MFSD6L: variants seen among roughly 807,000 people sequenced by gnomAD.
MFSD6L encodes major facilitator superfamily domain-containing protein 6-like.
MFSD6L carries 9 observed loss-of-function variants against 6.4 expected under a neutral mutation model. That is an observed-to-expected ratio of 1.42 (90% CI 0.85 to 2.47). The LOEUF (loss-of-function observed/expected upper bound fraction) is 2.47. Ranked by LOEUF, MFSD6L falls within the 30% of genes most tolerant of loss-of-function variation. The pLI, the probability that MFSD6L is intolerant of heterozygous loss-of-function variation, is 0.00. For synonymous variants in MFSD6L, 336 were observed against 322.4 expected (o/e 1.04, Z -0.45); for missense variants, 747 against 730.6 (o/e 1.02, Z -0.26).
At position 8,798,165 on chromosome 17, in the gene MFSD6L, C is replaced by T. The variant is rs137880094; in HGVS notation, c.956G>A (p.Arg319Gln). The stretch of plus-strand genomic sequence containing the variant: ...GTACCCATAGAAGTGGACCACACCT[C>T]GGGGGCCACTGGTCATCAGGAAGCA... Reference protein sequence around the residue: ...LDCFLMTSGPRGVVHFYGYSV... With the variant: ...LDCFLMTSGPQGVVHFYGYSV... Residue 319 changes from arginine to glutamine, a missense_variant, in exon 1 of 1, where the codon CGA becomes CAA. Transcript: ENST00000329805. 1,548 of 1,613,400 alleles carry T rather than the reference C, an allele frequency of 9.6e-4. 20 individuals are homozygous for T. The African/African-American group carries it at 0.017, about 18-fold the overall frequency.
In MFSD6L at chr17:8,797,386, C is replaced by A. The variant is rs2087007104; in HGVS notation, c.1735G>T (p.Ala579Ser). 2 of 1,577,250 alleles carry A rather than the reference C, an allele frequency of 1.3e-6. No homozygotes were observed. Among genetic ancestry groups the A allele is most frequent in the Non-Finnish European group, 1.7e-6 (2 of 1,162,502 alleles). The change falls in exon 1 of 1, where the codon GCC (alanine) becomes TCC (serine). Residue 579 changes from alanine (A) to serine (S), a missense_variant. Physicochemically the swap from Ala to Ser is moderately conservative, Grantham distance 99. Coordinates refer to ENST00000329805, the MANE Select transcript of MFSD6L (RefSeq NM_152599.4). ...CAGTCTGAGTGTTCCTCCCTCATGG[C>A]CTTCACAAGCCAGTCCTGTTCTGTC... ...QGTEQDWLVKAMREEHSD is the reference protein window; with the variant it reads ...QGTEQDWLVKSMREEHSD
In MFSD6L at chr17:8,799,337, G is replaced by A. The variant is rs2087026684; in HGVS notation, c.-217C>T. 4 of 392,318 alleles carry A rather than the reference G, an allele frequency of 1.0e-5. No homozygotes were observed. The highest frequency in any genetic ancestry group is 1.8e-5 in the Non-Finnish European group (4 of 224,992). The allele number at this position is 392,318 out of a possible 1,614,324, so 24.3% of individuals were successfully genotyped here. A position where few individuals can be genotyped will look rare whatever the true frequency, so the allele number is the denominator to read the frequency against. On this transcript the variant is annotated 5_prime_UTR_variant, in exon 1 of 1. Coordinates refer to ENST00000329805, the MANE Select transcript of MFSD6L (RefSeq NM_152599.4). This position sits in a 1 kb window ranked among gnomAD's most constrained non-coding sequence, Gnocchi z 5.3. Reference sequence around the variant, plus strand: ...CGTTGGACCGAAAGGGGCCCCGCCCGGAGGGAGAGGCGGGGCGGGGGCGAA... The same window carrying A: ...CGTTGGACCGAAAGGGGCCCCGCCCAGAGGGAGAGGCGGGGCGGGGGCGAA...
At position 8,798,878 on chromosome 17, in the gene MFSD6L, G is replaced by T. The variant is rs1370639714; in HGVS notation, c.243C>A (p.Ile81=). The change falls in exon 1 of 1, where the codon ATC becomes ATA. Residue 81 remains isoleucine (I), a synonymous_variant. Transcript: ENST00000329805. ...KSYRKRRALL[I]GSLLGSVGAS... ...CCCCCACCGAGCCGAGCAGGGAGCC[G>T]ATCAGAAGCGCTCTCCTTTTCCGGT... 2 of 1,614,024 alleles carry T rather than the reference G, an allele frequency of 1.2e-6. No homozygotes were observed. Among genetic ancestry groups the T allele is most frequent in the South Asian group, 1.1e-5 (1 of 91,062 alleles).
In MFSD6L at chr17:8,798,977, C is replaced by T. The variant is rs1183960853; in HGVS notation, c.144G>A (p.Val48=). The change falls in exon 1 of 1, where the codon GTG becomes GTA. Residue 48 remains valine (V), a synonymous_variant. Coordinates refer to ENST00000329805, the MANE Select transcript of MFSD6L (RefSeq NM_152599.4). ...GGTGCTTGGTTCCCATTAGGGTGCC[C>T]ACCCAGGGCGCGGCCAAGCCCAGCT... ...LRQLGLAAPW[V]GTLMGTKHLI... 1.2e-6 allele frequency: 2 copies of T among 1,613,890 alleles called. No homozygotes were observed. Among genetic ancestry groups the T allele is most frequent in the Non-Finnish European group, 1.7e-6 (2 of 1,179,962 alleles).
At position 8,798,814 on chromosome 17, in the gene MFSD6L, T is replaced by G. The variant is rs766859246; in HGVS notation, c.307A>C (p.Asn103His). Residue 103 changes from asparagine to histidine, a missense_variant, in exon 1 of 1, where the codon AAT becomes CAT. Asn to His is a moderately conservative substitution (Grantham distance 68). Coordinates refer to ENST00000329805, the MANE Select transcript of MFSD6L (RefSeq NM_152599.4). ...LMVLVPPVDK[N>H]RVHFPCNGSS... ...CCATTACAAGGGAAGTGCACCCGATTTTTGTCTACCGGTGGGACCAGGACC... is the reference window on the plus strand; with the variant it reads ...CCATTACAAGGGAAGTGCACCCGATGTTTGTCTACCGGTGGGACCAGGACC... The G allele has an allele frequency of 6.2e-7, 1 of 1,613,996 alleles. No homozygotes were observed. Among genetic ancestry groups the G allele is most frequent in the East Asian group, 2.2e-5 (1 of 44,876 alleles).
At position 8,798,437 on chromosome 17, in the gene MFSD6L, G is replaced by A. The variant is rs1304100175; in HGVS notation, c.684C>T (p.Thr228=). Residue 228 remains threonine, a synonymous_variant, in exon 1 of 1, where the codon ACC becomes ACT. Transcript: ENST00000329805. The part of the protein sequence containing the change: ...GPGNPANLSG[T]KGKAWAFDLS... ...GGTCAAAAGCCCAGGCTTTCCCCTT[G>A]GTCCCTGACAAATTGGCTGGATTCC... The A allele has an allele frequency of 1.2e-6, 2 of 1,607,572 alleles. No homozygotes were observed. Among genetic ancestry groups the A allele is most frequent in the Non-Finnish European group, 1.7e-6 (2 of 1,176,420 alleles).
At position 8,798,061 on chromosome 17, in the gene MFSD6L, T is replaced by G. The variant is rs756846372; in HGVS notation, c.1060A>C (p.Lys354Gln). The G allele has an allele frequency of 1.9e-6, 3 of 1,613,882 alleles. No homozygotes were observed. The Admixed American group carries it at 5.0e-5, about 27-fold the overall frequency. The change falls in exon 1 of 1, where the codon AAA becomes CAA. Residue 354 changes from lysine (K) to glutamine (Q), a missense_variant. Transcript: ENST00000329805. ...ACAATGGACAGTGCTTTGACCCTTTTGTAGCTGGGCTCCCACTGCTGACAG... is the reference window on the plus strand; with the variant it reads ...ACAATGGACAGTGCTTTGACCCTTTGGTAGCTGGGCTCCCACTGCTGACAG... ...PICQQWEPSY[K>Q]RVKALSIVGG...
Position 8,798,166 on chromosome 17 carries a change from G to A in MFSD6L, c.955C>T (p.Arg319Ter), listed in dbSNP as rs1453734798. 8 of 1,613,006 alleles carry A rather than the reference G, an allele frequency of 5.0e-6. No homozygotes were observed. Among genetic ancestry groups the A allele is most frequent in the Admixed American group, 3.3e-5 (2 of 59,968 alleles). ...LDCFLMTSGP[R>*]GVVHFYGYSV... is the part of the protein sequence containing the mutation. The stretch of plus-strand genomic sequence containing the variant: ...TACCCATAGAAGTGGACCACACCTC[G>A]GGGGCCACTGGTCATCAGGAAGCAG... Residue 319 changes from arginine to a stop codon, truncating the protein, a stop_gained, in exon 1 of 1, where the codon CGA (arginine) becomes TGA (stop). Transcript: ENST00000329805. LOFTEE classifies it low-confidence loss of function (END_TRUNC).
rs765903949 is a variant in MFSD6L, at chr17:8,798,160, C to T, written c.961G>A (p.Val321Met). The change falls in exon 1 of 1, where the codon GTG becomes ATG. Residue 321 changes from valine (V) to methionine (M), a missense_variant. By Grantham distance (21) the Val-to-Met change is conservative (BLOSUM62 1). Transcript: ENST00000329805. ...ACCGAGTACCCATAGAAGTGGACCA[C>T]ACCTCGGGGGCCACTGGTCATCAGG... is the stretch of plus-strand genomic sequence containing the variant. ...CFLMTSGPRG[V>M]VHFYGYSVVS... 1 of 1,613,596 alleles carries T rather than the reference C, an allele frequency of 6.2e-7. No homozygotes were observed. Among genetic ancestry groups the T allele is most frequent in the Non-Finnish European group, 8.5e-7 (1 of 1,179,996 alleles).
At position 8,798,465 on chromosome 17, in the gene MFSD6L, G is replaced by T; in HGVS notation, c.656C>A (p.Pro219His). ...CCCTGACAAATTGGCTGGATTCCCG[G>T]GCCCTTTCCCCCCAGGAAGCAAGGG... ...ALPLLPGGKG[P>H]GNPANLSGTK... The change falls in exon 1 of 1, where the codon CCC becomes CAC. Residue 219 changes from proline to histidine, a missense_variant. Coordinates refer to ENST00000329805, the MANE Select transcript of MFSD6L (RefSeq NM_152599.4). 6.2e-7 allele frequency: 1 copy of T among 1,607,106 alleles called. No individual in the cohort carries two copies. Among genetic ancestry groups the T allele is most frequent in the Non-Finnish European group, 8.5e-7 (1 of 1,175,904 alleles).
rs771825207 is a variant in MFSD6L at position 8,797,856 on chromosome 17, G to C, written c.1265C>G (p.Ala422Gly). 3.4e-3 allele frequency: 5,502 copies of C among 1,614,054 alleles called. 30 individuals are homozygous for C. The highest frequency in any genetic ancestry group is 0.015 in the Middle Eastern group (88 of 6,062). ...LGEILLHPFK[A>G]TLLRKLSRTG... ...CCTGGACAGTTTCCTAAGCAATGTA[G>C]CTTTGAACGGATGAAGCAGAATTTC... is the stretch of plus-strand genomic sequence containing the variant. Residue 422 changes from alanine (A) to glycine (G), a missense_variant, in exon 1 of 1, where the codon GCT (alanine) becomes GGT (glycine). By Grantham distance (60) the Ala-to-Gly change is moderately conservative. Transcript: ENST00000329805.
In MFSD6L at chr17:8,798,393, C is replaced by G. The variant is rs150871469; in HGVS notation, c.728G>C (p.Arg243Pro). Reference sequence around the variant, plus strand: ...CCCCAAGGAGAGGATAAAAGTCCGCCGCAACGCCTCCAAGGACAGGTCAAA... The same window carrying G: ...CCCCAAGGAGAGGATAAAAGTCCGCGGCAACGCCTCCAAGGACAGGTCAAA... ...WAFDLSLEAL[R>P]RTFILSLGSV... Residue 243 changes from arginine to proline, a missense_variant, in exon 1 of 1, where the codon CGG becomes CCG. Arg to Pro is a moderately radical substitution (Grantham distance 103). Transcript: ENST00000329805. 2 of 1,611,860 alleles carry G rather than the reference C, an allele frequency of 1.2e-6. No individual in the cohort carries two copies. The highest frequency in any genetic ancestry group is 1.7e-6 in the Non-Finnish European group (2 of 1,179,178).
Position 8,797,829 on chromosome 17 carries a change from G to C in MFSD6L, c.1292C>G (p.Thr431Arg). ...GCTCAGCCCCAGCCCCACCAGGCCCGTCCTGGACAGTTTCCTAAGCAATGT... is the reference window on the plus strand; with the variant it reads ...GCTCAGCCCCAGCCCCACCAGGCCCCTCCTGGACAGTTTCCTAAGCAATGT... ...KATLLRKLSR[T>R]GLVGLGLSCL... The change falls in exon 1 of 1, where the codon ACG (threonine) becomes AGG (arginine). Residue 431 changes from threonine to arginine, a missense_variant. By Grantham distance (71) the Thr-to-Arg change is moderately conservative (BLOSUM62 -1). Coordinates refer to ENST00000329805, the MANE Select transcript of MFSD6L (RefSeq NM_152599.4). 1 of 1,613,966 alleles carries C rather than the reference G, an allele frequency of 6.2e-7. No homozygotes were observed. Among genetic ancestry groups the C allele is most frequent in the Non-Finnish European group, 8.5e-7 (1 of 1,180,016 alleles).
rs765559069 is a variant in MFSD6L, at chr17:8,797,330, G to C, written c.*30C>G. 6 of 1,530,780 alleles carry C rather than the reference G, an allele frequency of 3.9e-6. No individual in the cohort carries two copies. In the African/African-American group the frequency reaches 8.3e-5, roughly 21 times the overall value. 94.8% of individuals were successfully genotyped at this position (1,530,780 alleles called of 1,614,324 possible). On this transcript the variant is annotated 3_prime_UTR_variant, in exon 1 of 1. Coordinates refer to ENST00000329805, the MANE Select transcript of MFSD6L (RefSeq NM_152599.4). The stretch of plus-strand genomic sequence containing the variant: ...TGTTCAGTCCATTCGTTCCTTGCTG[G>C]ATCAGCACACTCTGGATTTCTCAGC...
chr17:8,798,843 AGCAG>A lies in MFSD6L; in HGVS notation c.274_277del (p.Leu92Ter). 1 of 1,614,052 alleles carries A rather than the reference AGCAG, an allele frequency of 6.2e-7. No individual in the cohort carries two copies. On this transcript the variant is annotated frameshift_variant, in exon 1 of 1. Coordinates refer to ENST00000329805, the MANE Select transcript of MFSD6L (RefSeq NM_152599.4). LOFTEE classifies it low-confidence loss of function (END_TRUNC). ...GTCTACCGGTGGGACCAGGACCATCAGCAGGCTGGCCCCCACCGAGCCGAGCAGG... is the reference window on the plus strand; with the variant it reads ...GTCTACCGGTGGGACCAGGACCATCAGCTGGCCCCCACCGAGCCGAGCAGG...
rs1241894928 is a variant in MFSD6L, at chr17:8,798,947, G to A, written c.174C>T (p.Ile58=). The part of the protein sequence containing the change: ...VGTLMGTKHL[I]AAFWAPVCAF... ...CACAGACGGGAGCCCAGAAGGCAGCGATTAGGTGCTTGGTTCCCATTAGGG... is the reference window on the plus strand; with the variant it reads ...CACAGACGGGAGCCCAGAAGGCAGCAATTAGGTGCTTGGTTCCCATTAGGG... The change falls in exon 1 of 1, where the codon ATC becomes ATT. Residue 58 remains isoleucine (I), a synonymous_variant. Transcript: ENST00000329805. 5.6e-6 allele frequency: 9 copies of A among 1,613,796 alleles called. No homozygotes were observed. In the South Asian group the frequency reaches 7.7e-5, roughly 14 times the overall value.
In MFSD6L at chr17:8,798,666, C is replaced by G; in HGVS notation, c.455G>C (p.Gly152Ala). The G allele has an allele frequency of 6.2e-7, 1 of 1,614,194 alleles. No homozygotes were observed. Residue 152 changes from glycine to alanine, a missense_variant, in exon 1 of 1, where the codon GGC (glycine) becomes GCC (alanine). Physicochemically the swap from Gly to Ala is moderately conservative, Grantham distance 60 (BLOSUM62 0). Transcript: ENST00000329805. ...AKRTAEVEMP[G>A]FRNPPGESDR... ...ACTTTCACCAGGTGGGTTTCTGAAG[C>G]CAGGCATTTCCACCTCTGCAGTCCT...
At position 8,797,856 on chromosome 17, in the gene MFSD6L, G is replaced by A. The variant is rs771825207; in HGVS notation, c.1265C>T (p.Ala422Val). 2 of 1,614,054 alleles carry A rather than the reference G, an allele frequency of 1.2e-6. No individual in the cohort carries two copies. Among genetic ancestry groups the A allele is most frequent in the South Asian group, 1.1e-5 (1 of 91,072 alleles). Reference sequence around the variant, plus strand: ...CCTGGACAGTTTCCTAAGCAATGTAGCTTTGAACGGATGAAGCAGAATTTC... The same window carrying A: ...CCTGGACAGTTTCCTAAGCAATGTAACTTTGAACGGATGAAGCAGAATTTC... ...LGEILLHPFK[A>V]TLLRKLSRTG... The change falls in exon 1 of 1, where the codon GCT becomes GTT. Residue 422 changes from alanine (A) to valine (V), a missense_variant. Transcript: ENST00000329805.
At position 8,797,763 on chromosome 17, in the gene MFSD6L, C is replaced by T. The variant is rs2087011155; in HGVS notation, c.1358G>A (p.Ser453Asn). The change falls in exon 1 of 1, where the codon AGC becomes AAC. Residue 453 changes from serine to asparagine, a missense_variant. Transcript: ENST00000329805. ...CTGAATGGGGAGGACGGACCACCAG[C>T]TCCAGAGGAAAGAGTAGTACAGCAG... The part of the protein sequence containing the change: ...GQLLYYSFLW[S>N]WWSVLPIQIL... The T allele has an allele frequency of 1.9e-6, 3 of 1,614,050 alleles. No individual in the cohort carries two copies. Among genetic ancestry groups the T allele is most frequent in the Non-Finnish European group, 2.5e-6 (3 of 1,180,024 alleles).
Sources: allele counts gnomAD v4.1 joint callset, GRCh38; gene constraint gnomAD v4.1.1; non-coding constraint Gnocchi (gnomAD v3.1); transcripts MANE v1.5; gene names NCBI Gene and HGNC (gene_info 2026-07-23, HGNC 2026-07-21).